The following ZNF600 variants were observed in gnomAD, a reference collection of about 807,000 sequenced individuals.
ZNF600 encodes zinc finger protein KR-ZNF1.
Under a neutral mutation model 7.3 loss-of-function variants are expected in ZNF600, and 4 were observed. That is an observed-to-expected ratio of 0.55 (90% CI 0.27 to 1.25). The LOEUF (loss-of-function observed/expected upper bound fraction) is 1.25. ZNF600 is among the 50% of genes most tolerant of loss of function. The pLI, the probability that ZNF600 is intolerant of heterozygous loss-of-function variation, is 0.12. For missense variants in ZNF600, 911 were observed against 922.1 expected (o/e 0.99, Z 0.16); for synonymous variants, 290 against 308.9 (o/e 0.94, Z 0.64).
the ZNF600 span, among the ~76,000 whole-genome samples, chr19:52,804,338 CAGGCTGG>C: frequency 1.3e-5 from 2 of 152,166 alleles, no homozygotes. Context: ...CTCTATCACC[CAGGCTGG>C]AGTGTAGTGG....
chr19:52,822,990 A>G, the ZNF600 span, among the ~76,000 whole-genome samples: 233 of 152,300 alleles, frequency 1.5e-3, 2 homozygotes, highest in Non-Finnish European at 2.2e-3. Flanking sequence ...ACACAGGGAA[A>G]GACAGAGAAG....
chr19:52,819,607 AC>A, the ZNF600 span, among the ~76,000 whole-genome samples: 1 of 107,424 alleles, frequency 9.3e-6, no homozygotes, highest in African/African-American at 4.0e-5. Context: ...AGAGCTGGAA[AC>A]ATTTTCACGA....
At chr19:52,830,717 C>T in the ZNF600 span, among the ~76,000 whole-genome samples, 1 of 151,696 alleles carries the variant, frequency 6.6e-6, no homozygotes. Context: ...AGGGGAGGGG[C>T]TCACGGGGAA....
the ZNF600 span, among the ~76,000 whole-genome samples, chr19:52,794,093 A>G: frequency 7.2e-5 from 11 of 151,750 alleles, no homozygotes; most frequent in African/African-American, 2.7e-4. Context: ...ACAACTGGAC[A>G]CAGGATTGTA....
chr19:52,770,897 G>T (rs1036052299), intron 3 of ZNF600, among the ~76,000 whole-genome samples: 15 of 152,056 alleles, frequency 9.9e-5, no homozygotes, highest in African/African-American at 3.4e-4. Flanking sequence ...GCAATAGCAT[G>T]ATCTAGGTTC....
the ZNF600 span, among the ~76,000 whole-genome samples, chr19:52,807,282 A>C: frequency 6.6e-6 from 1 of 152,222 alleles, no homozygotes; most frequent in Non-Finnish European, 1.5e-5. Context: ...TTCTGTAGGA[A>C]AGAAGACATT....
chr19:52,765,557 G>A (rs12460920), exon 4 of ZNF600: 64,065 of 1,613,088 alleles, frequency 0.04, 2,472 homozygotes, highest in East Asian at 0.24. Flanking sequence ...TGGTTGTAGC[G>A]TTACTGAAGA....
chr19:52,800,151 T>G, the ZNF600 span: 2 of 1,613,968 alleles, frequency 1.2e-6, no homozygotes, highest in Non-Finnish European at 1.7e-6. Context: ...TCTTTCCATG[T>G]GTGATTTGCG....
chr19:52,790,688 T>C (rs2062788986), upstream of ZNF600, among the ~76,000 whole-genome samples: 1 of 145,954 alleles, frequency 6.9e-6, no homozygotes, highest in South Asian at 2.3e-4. Flanking sequence ...TCTCCTTTTT[T>C]TTTTTTTTTT....
downstream of ZNF600, chr19:52,764,316 C>A (rs1316753206): frequency 1.3e-5 from 2 of 151,422 alleles, no homozygotes; most frequent in Admixed American, 1.3e-4. Context: ...GTTTAAGCGA[C>A]TCTTGTGCCT....
At chr19:52,832,643 C>T in the ZNF600 span, among the ~76,000 whole-genome samples, 1 of 152,030 alleles carries the variant, frequency 6.6e-6, no homozygotes, top group Non-Finnish European at 1.5e-5. Context: ...TGACACATGC[C>T]TATCATTCAA....
At chr19:52,800,964 G>A in the ZNF600 span, 1 of 1,614,138 alleles carries the variant, frequency 6.2e-7, no homozygotes, top group Admixed American at 1.7e-5. Flanking sequence ...TTTGTCTGCA[G>A]TATGAAGCGC....
At chr19:52,786,727 T>C in exon 1 of ZNF600, 1 of 366,948 alleles carries the variant, frequency 2.7e-6, no homozygotes, top group Admixed American at 2.6e-5. Context: ...AGAGCAAAAC[T>C]CACGCGCCGT....
At chr19:52,810,464 G>C in the ZNF600 span, 1 of 1,590,498 alleles carries the variant, frequency 6.3e-7, no homozygotes, top group Non-Finnish European at 8.6e-7. Flanking sequence ...CAAAGAGTCA[G>C]TGAGGACTTC....
the ZNF600 span, among the ~76,000 whole-genome samples, chr19:52,792,872 A>G: frequency 1.3e-5 from 2 of 151,512 alleles, no homozygotes; most frequent in East Asian, 3.9e-4. Flanking sequence ...AGCTGGGACT[A>G]CAGGTGCCCA....
At chr19:52,777,828 T>C (rs1212088509) in intron 2 of ZNF600, among the ~76,000 whole-genome samples, 1 of 151,998 alleles carries the variant, frequency 6.6e-6, no homozygotes, top group Non-Finnish European at 1.5e-5. Context: ...GACTCCATCT[T>C]AAAATAAGTA....
intron 1 of ZNF600, among the ~76,000 whole-genome samples, chr19:52,781,830 A>G (rs774639061): frequency 5.3e-5 from 8 of 151,982 alleles, no homozygotes; most frequent in Non-Finnish European, 8.8e-5. Flanking sequence ...TGGGAGGCCG[A>G]AGTGGGTGGA....
rs377559847 is a variant in ZNF600, at chr19:52,774,386, A to C, written c.190+189T>G. Among the ~76,000 whole-genome samples the C allele has an allele frequency of 8.6e-5, 13 of 151,484 alleles. 1 individual carries two copies. The highest frequency in any genetic ancestry group is 6.6e-4 in the Admixed American group (10 of 15,112). On this transcript the variant is annotated intron_variant, in intron 3 of 3. Coordinates refer to ENST00000648973, the Ensembl canonical transcript of ZNF600. The stretch of plus-strand genomic sequence containing the variant: ...AGAGGTTGCGGTGAGCCAAGATCAT[A>C]CCATTGCTCTCCAGCCTGGGTAACA...
At chr19:52,829,489 C>A in the ZNF600 span, among the ~76,000 whole-genome samples, 8 of 151,660 alleles carry the variant, frequency 5.3e-5, no homozygotes, top group Non-Finnish European at 1.5e-5. Context: ...ATTCTCCTGT[C>A]TCAGCCTCCT....
Sources: gnomAD v4.1 joint callset for allele counts (sites outside exome capture counted in the v4.1 genomes callset) on GRCh38, gnomAD v4.1.1 for gene constraint, MANE v1.5 for transcripts, NCBI Gene and HGNC (gene_info 2026-07-23, HGNC 2026-07-21) for gene names.